The following SLC7A7 variants were observed in gnomAD, a reference collection of about 807,000 sequenced individuals.
SLC7A7 encodes the protein Y+L amino acid transporter 1.
Under a neutral mutation model 47.9 loss-of-function variants are expected in SLC7A7, and 39 were observed. The ratio of observed to expected loss-of-function variants is 0.81; its 90% CI spans 0.63 to 1.06. The LOEUF is 1.06. Among genes scored for constraint, SLC7A7 ranks in the 50% least tolerant of loss-of-function variants. SLC7A7 has a pLI of 0.00. For missense variants in SLC7A7, 588 were observed against 632.0 expected, an observed-to-expected ratio of 0.93 and a Z score of 0.75; for synonymous variants, 234 against 242.8, an observed-to-expected ratio of 0.96 and a Z score of 0.34.
intron 2 of SLC7A7, among the ~76,000 whole-genome samples, chr14:22,786,590 C>G (rs1449218593): frequency 1.3e-5 from 2 of 152,230 alleles, no homozygotes; most frequent in Non-Finnish European, 2.9e-5. Context: ...TCCTTTCTTT[C>G]CCACCTCAAA....
chr14:22,817,395 A>C (rs1204584240), upstream of SLC7A7: 3 of 165,410 alleles, frequency 1.8e-5, no homozygotes, highest in Admixed American at 6.4e-5. Flanking sequence ...GCTGGAGTGC[A>C]GTGGTGCAAT....
Position 22,810,071 on chromosome 14 carries a change from C to T in SLC7A7, c.499+2829G>A, listed in dbSNP as rs143061216. ...AAAAAAAAAAAAAAAAAAGCAGCAA[C>T]AGCAGAAAATTAAAAAGGGTTGACT... On this transcript the variant is annotated intron_variant, in intron 2 of 9. Coordinates refer to ENST00000674313, the MANE Select transcript of SLC7A7 (RefSeq NM_003982.4). 4.1e-3 allele frequency among the ~76,000 whole-genome samples: 531 copies of T among 130,704 alleles called. 4 individuals carry two copies. Among genetic ancestry groups the T allele is most frequent in the African/African-American group, 0.014 (498 of 34,942 alleles). 85.7% of individuals were successfully genotyped at this position (130,704 alleles called of 152,430 possible).
At position 22,773,395 on chromosome 14, in the gene SLC7A7, G is replaced by A. The variant is rs1200292234; in HGVS notation, c.*215C>T. 3 of 644,258 alleles carry A rather than the reference G, an allele frequency of 4.7e-6. No individual in the cohort carries two copies. The highest frequency in any genetic ancestry group is 8.6e-6 in the Non-Finnish European group (3 of 349,268). 39.9% of individuals were successfully genotyped at this position (644,258 alleles called of 1,614,324 possible). ...CAAACCTGACATGCTCCTCCCCACA[G>A]TCACCTTCATTGTCCCCTTTAAAAG... On this transcript the variant is annotated 3_prime_UTR_variant, in exon 10 of 10. Transcript: ENST00000674313.
intron 2 of SLC7A7, among the ~76,000 whole-genome samples, chr14:22,810,886 G>C (rs1319174275): frequency 1.3e-5 from 2 of 152,178 alleles, no homozygotes; most frequent in East Asian, 3.9e-4. Flanking sequence ...GCTGAGGCAG[G>C]AGAATCACTT....
At chr14:22,808,412 C>T (rs2039248603) in intron 2 of SLC7A7, among the ~76,000 whole-genome samples, 1 of 152,142 alleles carries the variant, frequency 6.6e-6, no homozygotes, top group Non-Finnish European at 1.5e-5. Context: ...AATTAAAGCC[C>T]TTCTCTTGCT....
chr14:22,795,224 G>A (rs2038991269), intron 2 of SLC7A7, among the ~76,000 whole-genome samples: 2 of 149,056 alleles, frequency 1.3e-5, no homozygotes, highest in Admixed American at 1.4e-4. Flanking sequence ...GGGACTACAG[G>A]CATGCACCAC....
rs539843065 is a variant in SLC7A7, at chr14:22,775,900, T to C, written c.931A>G (p.Ile311Val). ...GATAATGCAACTGACAGTGGAATTA[T>C]CCAGTTAAATATTCCAAATATCTGA... ...ADQIFGIFNW[I>V]IPLSVALSCF... is the part of the protein sequence containing the mutation. Residue 311 changes from isoleucine to valine, a missense_variant, in exon 6 of 10, where the codon ATA becomes GTA. Physicochemically the swap from Ile to Val is conservative, Grantham distance 29 (BLOSUM62 3). Coordinates refer to ENST00000674313, the MANE Select transcript of SLC7A7 (RefSeq NM_003982.4). 1.4e-4 allele frequency: 231 copies of C among 1,614,050 alleles called. 1 individual carries two copies. In the South Asian group the frequency reaches 2.2e-3, roughly 15 times the overall value.
At chr14:22,815,885 C>G, upstream of SLC7A7, 1 of 354,966 alleles carries the variant, frequency 2.8e-6, no homozygotes, top group Non-Finnish European at 5.6e-6. Context: ...AAGGCTTGTT[C>G]CCATGCTGAG....
chr14:22,792,731 C>A (rs1259700325), intron 2 of SLC7A7, among the ~76,000 whole-genome samples: 1 of 151,258 alleles, frequency 6.6e-6, no homozygotes, highest in Non-Finnish European at 1.5e-5. Flanking sequence ...GTGGCGCACG[C>A]CTGTAATCCT....
At chr14:22,775,092 G>GACAT (rs2038572261) in intron 7 of SLC7A7, among the ~76,000 whole-genome samples, 1 of 151,516 alleles carries the variant, frequency 6.6e-6, no homozygotes, top group African/African-American at 2.4e-5. Flanking sequence ...TGGATTTTAA[G>GACAT]ACACACACAC....
At chr14:22,811,037 C>T (rs2039298019) in intron 2 of SLC7A7, among the ~76,000 whole-genome samples, 1 of 152,106 alleles carries the variant, frequency 6.6e-6, no homozygotes, top group Non-Finnish European at 1.5e-5. Flanking sequence ...TGCCTTCCAC[C>T]CCTCCCTGAC....
intron 1 of SLC7A7, 176 bp downstream of exon 1, chr14:22,815,144 C>T: frequency 2.8e-6 from 1 of 351,666 alleles, no homozygotes; most frequent in South Asian, 2.2e-5. Flanking sequence ...GCAGCACATG[C>T]TGGAAAACAC....
At chr14:22,788,705 G>A (rs867483796) in intron 2 of SLC7A7, among the ~76,000 whole-genome samples, 1,504 of 118,800 alleles carry the variant, frequency 0.013, 23 homozygotes, top group African/African-American at 0.042. Context: ...CTCTGTCTGG[G>A]AAAAAAAAAA....
At chr14:22,774,551 CA>C (rs1263062977) in intron 7 of SLC7A7, 48 bp from the exon 8 acceptor site, 8 of 1,613,206 alleles carry the variant, frequency 5.0e-6, no homozygotes, top group Non-Finnish European at 6.8e-6. Flanking sequence ...TTTGTTAATC[CA>C]AAGGCTTTTC....
rs151196428 is a variant in SLC7A7 at position 22,802,518 on chromosome 14, AC to A, written c.499+10381del. Reference sequence around the variant, plus strand: ...ATAGGCACAGCTCTTCTGGCACAAAACTTACAAGATGGTAGATGTTTTCCTT... The same window carrying A: ...ATAGGCACAGCTCTTCTGGCACAAAATTACAAGATGGTAGATGTTTTCCTT... On this transcript the variant is annotated intron_variant, in intron 2 of 9. Transcript: ENST00000674313. 2.6e-3 allele frequency among the ~76,000 whole-genome samples: 390 copies of A among 152,250 alleles called. 1 individual carries two copies. The highest frequency in any genetic ancestry group is 4.2e-3 in the Non-Finnish European group (284 of 68,024).
chr14:22,806,118 C>CAAA (rs753674829), intron 2 of SLC7A7, among the ~76,000 whole-genome samples: 7 of 66,204 alleles, frequency 1.1e-4, no homozygotes, highest in African/African-American at 3.4e-4. Context: ...GACTCTGTCT[C>CAAA]AAAAAAAAAA....
intron 2 of SLC7A7, among the ~76,000 whole-genome samples, chr14:22,795,384 TGC>T (rs1491195960): frequency 7.0e-4 from 3 of 4,272 alleles, no homozygotes; most frequent in African/African-American, 7.7e-4. Flanking sequence ...ATTGCTTGCT[TGC>T]TTTCTTTCTT....
intron 2 of SLC7A7, among the ~76,000 whole-genome samples, chr14:22,799,448 C>CTTTTTTTTTTTTTTTTTTTTTTTTTT (rs56375225): frequency 1.8e-4 from 14 of 76,170 alleles, no homozygotes; most frequent in Non-Finnish European, 2.5e-4. Flanking sequence ...TTTTTTCTTT[C>CTTTTTTTTTTTTTTTTTTTTTTTTTT]TTTTTTTTTT....
At chr14:22,797,360 C>T (rs1341516853) in intron 2 of SLC7A7, among the ~76,000 whole-genome samples, 1 of 152,148 alleles carries the variant, frequency 6.6e-6, no homozygotes, top group Non-Finnish European at 1.5e-5. Flanking sequence ...TTTCTACTAC[C>T]CTAGACAGGA....
Sources: gnomAD v4.1 joint callset for allele counts (sites outside exome capture counted in the v4.1 genomes callset) on GRCh38, gnomAD v4.1.1 for gene constraint, MANE v1.5 for transcripts, NCBI Gene and HGNC (gene_info 2026-07-23, HGNC 2026-07-21) for gene names.